The following CHRFAM7A variants were observed in gnomAD, a reference collection of about 807,000 sequenced individuals.
The protein encoded by CHRFAM7A is CHRNA7 (exons 5-10) and FAM7A (exons A-E) fusion, also known as CHRNA7-FAM7A fusion protein.
CHRFAM7A carries 3 observed loss-of-function variants against 29.2 expected under a neutral mutation model. The ratio of observed to expected loss-of-function variants is 0.10; its 90% CI spans 0.05 to 0.27. The LOEUF is 0.27. Among genes scored for constraint, CHRFAM7A ranks in the 10% least tolerant of loss-of-function variants. The probability of loss-of-function intolerance (pLI) is 1.00; values close to 1 mark genes in which losing one functional copy is unlikely to be tolerated. For synonymous variants in CHRFAM7A, 7 were observed against 135.4 expected (o/e 0.05, Z 6.58); for missense variants, 22 against 328.0 (o/e 0.07, Z 7.21).
At chr15:30,379,475 T>C (rs1207361459) in intron 4 of CHRFAM7A, among the ~76,000 whole-genome samples, 1 of 8,618 alleles carries the variant, frequency 1.2e-4, no homozygotes, top group African/African-American at 1.5e-4. Flanking sequence ...ACATTCAAAG[T>C]TGAATAATTA....
intron 4 of CHRFAM7A, among the ~76,000 whole-genome samples, chr15:30,377,587 T>TC (rs1240699116): frequency 8.5e-5 from 11 of 129,738 alleles, no homozygotes; most frequent in African/African-American, 2.9e-4. Context: ...CTTTTTTTTT[T>TC]TTTTTGAGAC....
chr15:30,375,404 C>G (rs1357971694), intron 5 of CHRFAM7A, among the ~76,000 whole-genome samples: 2 of 147,284 alleles, frequency 1.4e-5, no homozygotes, highest in African/African-American at 5.0e-5. Flanking sequence ...TTCACTCGCT[C>G]CTTTGTTCAT....
At chr15:30,375,776 TGA>T (rs1378491553) in intron 5 of CHRFAM7A, among the ~76,000 whole-genome samples, 4 of 148,900 alleles carry the variant, frequency 2.7e-5, no homozygotes, top group Admixed American at 6.7e-5. Context: ...GAGTGGTGTG[TGA>T]GTGTTGAGTC....
intron 4 of CHRFAM7A, among the ~76,000 whole-genome samples, chr15:30,379,320 C>T (rs1211491560): frequency 2.6e-5 from 2 of 77,584 alleles, no homozygotes; most frequent in African/African-American, 6.8e-5. Flanking sequence ...AGGAGAACGG[C>T]GTGAACCCGG....
intron 4 of CHRFAM7A, among the ~76,000 whole-genome samples, chr15:30,377,735 T>C (rs1306832642): frequency 6.9e-6 from 1 of 144,342 alleles, no homozygotes; most frequent in African/African-American, 2.6e-5. Context: ...CCACCACACC[T>C]GGTTAATTTT....
intron 5 of CHRFAM7A, among the ~76,000 whole-genome samples, chr15:30,375,670 G>T (rs1335502530): frequency 6.8e-6 from 1 of 146,134 alleles, no homozygotes; most frequent in Non-Finnish European, 1.5e-5. Flanking sequence ...TGTGAGGGGT[G>T]TGTGTGTGTC....
chr15:30,369,318 C>CTCCATTAAAATAGGAACTTCT lies in CHRFAM7A; in HGVS notation c.610+1759_610+1779dup, dbSNP rs1399962730. ...GTCTACAGCAATTTGTTACGGTAGC[C>CTCCATTAAAATAGGAACTTCT]TCCATTAAAATAGGAACTTCTTCCT... On this transcript the variant is annotated intron_variant, in intron 8 of 9. Coordinates refer to ENST00000299847, the MANE Select transcript of CHRFAM7A (RefSeq NM_139320.2). 9.4e-4 allele frequency among the ~76,000 whole-genome samples: 141 copies of CTCCATTAAAATAGGAACTTCT among 149,806 alleles called. 2 individuals carry two copies. The highest frequency in any genetic ancestry group is 3.4e-3 in the African/African-American group (135 of 40,116).
intron 5 of CHRFAM7A, among the ~76,000 whole-genome samples, chr15:30,375,881 TGA>T (rs1483775808): frequency 7.8e-4 from 39 of 50,120 alleles, no homozygotes; most frequent in Middle Eastern, 0.012. Context: ...GTGTGTGTGT[TGA>T]GTCGTGTGGG....
At chr15:30,389,426 ATTTTTTT>A (rs1196841221) in intron 1 of CHRFAM7A, among the ~76,000 whole-genome samples, 1 of 23,250 alleles carries the variant, frequency 4.3e-5, no homozygotes, top group Non-Finnish European at 1.0e-4. Context: ...TTCAGAATGA[ATTTTTTT>A]TTTTTTTTTT....
Position 30,361,751 on chromosome 15 carries a change from A to G in CHRFAM7A, c.*542T>C, listed in dbSNP as rs1033061294. 1 of 101,688 alleles carries G rather than the reference A, an allele frequency of 9.8e-6. No individual in the cohort carries two copies. The highest frequency in any genetic ancestry group is 4.2e-5 in the African/African-American group (1 of 23,630). 6.3% of individuals were successfully genotyped at this position (101,688 alleles called of 1,614,324 possible). On this transcript the variant is annotated 3_prime_UTR_variant, in exon 10 of 10. Transcript: ENST00000299847. The stretch of plus-strand genomic sequence containing the variant: ...AAACAGCATCAAGCTGTTTCTCTCT[A>G]CCGTCTTTGATAGAAATAAAAATAA...
At chr15:30,363,188 A>C (rs1426274795) in intron 9 of CHRFAM7A, among the ~76,000 whole-genome samples, 1 of 147,072 alleles carries the variant, frequency 6.8e-6, no homozygotes, top group East Asian at 2.0e-4. Flanking sequence ...TCTGGCTCCC[A>C]CACTACCTGT....
rs2058927065 is a variant in CHRFAM7A at position 30,375,934 on chromosome 15, C to G, written c.160+1096G>C. On this transcript the variant is annotated intron_variant, in intron 5 of 9. Transcript: ENST00000299847. ...TGTGTGAGTGGTGTGTGTGTTGAGTCGTGTGGGTGGTATGTGAGTGGTTGT... is the reference window on the plus strand; with the variant it reads ...TGTGTGAGTGGTGTGTGTGTTGAGTGGTGTGGGTGGTATGTGAGTGGTTGT... 2.6e-3 allele frequency among the ~76,000 whole-genome samples: 31 copies of G among 12,048 alleles called. 2 individuals carry two copies. The highest frequency in any genetic ancestry group is 6.6e-3 in the South Asian group (3 of 454). 7.9% of individuals were successfully genotyped at this position (12,048 alleles called of 152,430 possible). A position where few individuals can be genotyped will look rare whatever the true frequency, so the allele number is the denominator to read the frequency against.
intron 4 of CHRFAM7A, among the ~76,000 whole-genome samples, chr15:30,378,035 T>G (rs1173721745): frequency 2.9e-5 from 2 of 69,178 alleles, no homozygotes; most frequent in Admixed American, 1.8e-4. Flanking sequence ...TACAATGTTT[T>G]TTTAAGAGTA....
rs534415008 is a variant in CHRFAM7A at position 30,374,259 on chromosome 15, C to A, written c.161-1114G>T. Reference sequence around the variant, plus strand: ...TTCCTGGGGCAGGGCTGGCACTCTGCAAACTTCTGTTACTGAGTTACAGAA... The same window carrying A: ...TTCCTGGGGCAGGGCTGGCACTCTGAAAACTTCTGTTACTGAGTTACAGAA... On this transcript the variant is annotated intron_variant, in intron 5 of 9. Coordinates refer to ENST00000299847, the MANE Select transcript of CHRFAM7A (RefSeq NM_139320.2). Among the ~76,000 whole-genome samples, 168 of 95,976 alleles carry A rather than the reference C, an allele frequency of 1.8e-3. 1 individual carries two copies. Among genetic ancestry groups the A allele is most frequent in the African/African-American group, 6.7e-3 (154 of 22,896 alleles). The allele number at this position is 95,976 out of a possible 152,430, so 63.0% of individuals were successfully genotyped here.
rs1054173159 is a variant in CHRFAM7A at position 30,383,971 on chromosome 15, TG to T, written c.-31-590del. On this transcript the variant is annotated intron_variant, in intron 2 of 9. Coordinates refer to ENST00000299847, the MANE Select transcript of CHRFAM7A (RefSeq NM_139320.2). ...CCGGGTTTACGGAAGAGGTAGAAGG[TG>T]GGTTGCGGTCTTGAAGGATGGCTAG... Among the ~76,000 whole-genome samples the T allele has an allele frequency of 6.5e-5, 3 of 46,066 alleles. 1 individual carries two copies. The highest frequency in any genetic ancestry group is 1.8e-4 in the Non-Finnish European group (3 of 16,492). The allele number at this position is 46,066 out of a possible 152,430, so 30.2% of individuals were successfully genotyped here.
chr15:30,367,359 C>G, intron 9 of CHRFAM7A, 59 bp downstream of exon 9: 3 of 1,571,822 alleles, frequency 1.9e-6, no homozygotes, highest in Non-Finnish European at 2.6e-6. Context: ...AAAATAAACC[C>G]TAGGAGGAGC....
intron 7 of CHRFAM7A, among the ~76,000 whole-genome samples, chr15:30,371,398 C>A (rs1331651556): frequency 6.7e-6 from 1 of 149,180 alleles, no homozygotes; most frequent in Non-Finnish European, 1.5e-5. Flanking sequence ...CTTATGGAGA[C>A]AAGTTTAGGA....
chr15:30,375,702 TTGAG>T (rs1280604394), intron 5 of CHRFAM7A, among the ~76,000 whole-genome samples: 152 of 133,976 alleles, frequency 1.1e-3, no homozygotes, highest in Middle Eastern at 5.6e-3. Context: ...TGTTGGTGGT[TTGAG>T]TGGTTTGTGT....
At chr15:30,362,927 C>CA in intron 9 of CHRFAM7A, 116 bp from the exon 10 acceptor site, 1 of 1,481,512 alleles carries the variant, frequency 6.7e-7, no homozygotes, top group Non-Finnish European at 9.2e-7. Flanking sequence ...TAGCAGCCTC[C>CA]ACTGCCTCCC....
Sources: allele counts gnomAD v4.1 joint callset (sites outside exome capture counted in the v4.1 genomes callset), GRCh38; gene constraint gnomAD v4.1.1; transcripts MANE v1.5; gene names NCBI Gene and HGNC (gene_info 2026-07-23, HGNC 2026-07-21).